The following ATXN7L1 variants were observed in gnomAD, a reference collection of about 807,000 sequenced individuals.
ATXN7L1 encodes the protein ataxin-7-like protein 1.
ATXN7L1 carries 15 observed loss-of-function variants against 70.8 expected under a neutral mutation model. The ratio of observed to expected loss-of-function variants is 0.21; its 90% CI spans 0.14 to 0.33. ATXN7L1 has a LOEUF of 0.33. Among genes scored for constraint, ATXN7L1 ranks in the 10% least tolerant of loss-of-function variants. The pLI, the probability that ATXN7L1 is intolerant of heterozygous loss-of-function variation, is 1.00. For missense variants in ATXN7L1, 975 were observed against 1,097.1 expected, an observed-to-expected ratio of 0.89 and a Z score of 1.57; for synonymous variants, 440 against 445.1, an observed-to-expected ratio of 0.99 and a Z score of 0.14.
chr7:105,681,439 G>A (rs534612998), intron 3 of ATXN7L1, among the ~76,000 whole-genome samples: 7 of 152,230 alleles, frequency 4.6e-5, no homozygotes, highest in African/African-American at 1.4e-4. Flanking sequence ...TGGATCCCTC[G>A]TGCACTGTTG....
chr7:105,839,166 A>G (rs953091220), intron 2 of ATXN7L1, among the ~76,000 whole-genome samples: 2 of 152,152 alleles, frequency 1.3e-5, no homozygotes, highest in African/African-American at 4.8e-5. Context: ...CAAAGGCCAA[A>G]TAGCATGCTG....
intron 3 of ATXN7L1, among the ~76,000 whole-genome samples, chr7:105,767,031 G>A (rs559050251): frequency 2.0e-5 from 3 of 152,346 alleles, no homozygotes; most frequent in East Asian, 1.9e-4. Context: ...GAGGCAGGAC[G>A]GCGGGCAGGA....
intron 7 of ATXN7L1, among the ~76,000 whole-genome samples, chr7:105,626,628 C>A (rs1795732179): frequency 6.6e-6 from 1 of 152,202 alleles, no homozygotes. Flanking sequence ...TGCGTGTCTA[C>A]AGGCCAAAGA....
intron 3 of ATXN7L1, among the ~76,000 whole-genome samples, chr7:105,692,603 C>A (rs111790090): frequency 7.2e-5 from 11 of 151,842 alleles, no homozygotes; most frequent in Non-Finnish European, 1.3e-4. Context: ...TGCACCACTA[C>A]GCCTGGCTAG....
At chr7:105,871,958 C>G (rs959904899) in intron 2 of ATXN7L1, among the ~76,000 whole-genome samples, 1 of 151,814 alleles carries the variant, frequency 6.6e-6, no homozygotes, top group African/African-American at 2.4e-5. Flanking sequence ...GCTGTGTCTT[C>G]TGAAGTTGTG....
At chr7:105,645,160 GA>G (rs1554405151) in intron 4 of ATXN7L1, among the ~76,000 whole-genome samples, 2 of 151,272 alleles carry the variant, frequency 1.3e-5, no homozygotes, top group South Asian at 2.1e-4. Flanking sequence ...TTGCAAGATG[GA>G]AAAAAAAGTT....
At chr7:105,635,811 G>A (rs945304026) in intron 7 of ATXN7L1, among the ~76,000 whole-genome samples, 1 of 151,858 alleles carries the variant, frequency 6.6e-6, no homozygotes, top group African/African-American at 2.4e-5. Flanking sequence ...ACAAGTGGGA[G>A]GGGATGACAA....
intron 2 of ATXN7L1, among the ~76,000 whole-genome samples, chr7:105,840,569 G>C (rs892297886): frequency 6.6e-6 from 1 of 152,188 alleles, no homozygotes; most frequent in Non-Finnish European, 1.5e-5. Context: ...GCAACACCCC[G>C]GCTCCCAGCT....
intron 3 of ATXN7L1, among the ~76,000 whole-genome samples, chr7:105,702,563 C>G (rs544272610): frequency 0.052 from 7,627 of 145,538 alleles, 257 homozygotes; most frequent in South Asian, 0.14. Context: ...CACACACACA[C>G]AGACACACAT....
intron 2 of ATXN7L1, among the ~76,000 whole-genome samples, chr7:105,789,108 C>T (rs1380749094): frequency 6.6e-6 from 1 of 152,214 alleles, no homozygotes; most frequent in Non-Finnish European, 1.5e-5. Context: ...GCAGCGGTCC[C>T]TCAGGGAAGT....
At chr7:105,717,626 T>C (rs1794724789) in intron 3 of ATXN7L1, among the ~76,000 whole-genome samples, 1 of 152,224 alleles carries the variant, frequency 6.6e-6, no homozygotes. Flanking sequence ...TTGATACATC[T>C]AGTCAAATGC....
chr7:105,722,609 T>G (rs1275345894), intron 3 of ATXN7L1, among the ~76,000 whole-genome samples: 1 of 112,918 alleles, frequency 8.9e-6, no homozygotes, highest in African/African-American at 3.5e-5. Flanking sequence ...GGTTGGGCTG[T>G]GGCTTACGCC....
intron 2 of ATXN7L1, among the ~76,000 whole-genome samples, chr7:105,846,863 C>T (rs189843326): frequency 6.6e-6 from 1 of 152,320 alleles, no homozygotes; most frequent in African/African-American, 2.4e-5. Context: ...ACATAAAAGG[C>T]CACATATTAT....
intron 2 of ATXN7L1, among the ~76,000 whole-genome samples, chr7:105,806,139 G>A (rs559831170): frequency 8.5e-5 from 13 of 152,204 alleles, no homozygotes; most frequent in African/African-American, 2.9e-4. Context: ...AGACAGATGG[G>A]AATGCAGGTT....
intron 3 of ATXN7L1, among the ~76,000 whole-genome samples, chr7:105,711,027 C>A (rs559802648): frequency 6.6e-6 from 1 of 152,278 alleles, no homozygotes; most frequent in African/African-American, 2.4e-5. Flanking sequence ...AGAATTTATT[C>A]ACTATCACGA....
chr7:105,719,317 G>A (rs780459226), intron 3 of ATXN7L1, among the ~76,000 whole-genome samples: 5 of 152,094 alleles, frequency 3.3e-5, no homozygotes, highest in East Asian at 1.9e-4. Flanking sequence ...AGTAGCCCCC[G>A]CCCTACAGGG....
chr7:105,731,788 G>GAAAAGAAAAGAAAAGAA (rs1563046451), intron 3 of ATXN7L1, among the ~76,000 whole-genome samples: 7 of 151,140 alleles, frequency 4.6e-5, no homozygotes, highest in African/African-American at 1.7e-4. Flanking sequence ...GAAAAGAAAA[G>GAAAAGAAAAGAAAAGAA]AAAAGAAAAG....
chr7:105,706,864 C>T (rs1437352937), intron 3 of ATXN7L1, among the ~76,000 whole-genome samples: 2 of 152,228 alleles, frequency 1.3e-5, no homozygotes, highest in African/African-American at 4.8e-5. Flanking sequence ...GTGATTTCCT[C>T]CCACTAAACT....
chr7:105,640,310 T>G (rs962109697), intron 5 of ATXN7L1, among the ~76,000 whole-genome samples: 2 of 151,770 alleles, frequency 1.3e-5, no homozygotes, highest in African/African-American at 4.8e-5. Context: ...ATGCTTCACG[T>G]GGGAATAAAA....
Sources: allele counts gnomAD v4.1 joint callset (sites outside exome capture counted in the v4.1 genomes callset), GRCh38; gene constraint gnomAD v4.1.1; transcripts MANE v1.5; gene names NCBI Gene and HGNC (gene_info 2026-07-23, HGNC 2026-07-21).